Variants in MROH2A observed in about 807,000 individuals in gnomAD.
MROH2A encodes maestro heat like repeat family member 2A.
In MROH2A, 174 loss-of-function variants were observed where a neutral mutation model predicts 200.4. That is an observed-to-expected ratio of 0.87 (90% CI 0.77 to 0.98). The LOEUF (loss-of-function observed/expected upper bound fraction) is 0.98. Among genes scored for constraint, MROH2A ranks in the 50% least tolerant of loss-of-function variants. MROH2A has a pLI of 0.00. For missense variants in MROH2A, 2,045 were observed against 2,139.6 expected, an observed-to-expected ratio of 0.96 and a Z score of 0.87; for synonymous variants, 829 against 840.4, an observed-to-expected ratio of 0.99 and a Z score of 0.23.
At chr2:233,799,639 G>T in intron 12 of MROH2A, 141 bp from the exon 13 acceptor site, 2 of 1,067,062 alleles carry the variant, frequency 1.9e-6, no homozygotes, top group Non-Finnish European at 2.7e-6. Flanking sequence ...GGGGGAGGTG[G>T]ACAGAGTGGG....
At position 233,794,434 on chromosome 2, in the gene MROH2A, G is replaced by A. The variant is rs935743264; in HGVS notation, c.894G>A (p.Glu298=). The A allele has an allele frequency of 1.2e-5, 18 of 1,550,556 alleles. No homozygotes were observed. The highest frequency in any genetic ancestry group is 8.3e-5 in the South Asian group (7 of 84,062). Residue 298 remains glutamate (E), a synonymous_variant, in exon 8 of 42, where the codon GAG becomes GAA. Transcript: ENST00000389758. ...TTCTGCCCAACGATGACCTGCGGGAGCAGGTCTACGACTACATCCCCCTGC... is the reference window on the plus strand; with the variant it reads ...TTCTGCCCAACGATGACCTGCGGGAACAGGTCTACGACTACATCCCCCTGC... The part of the protein sequence containing the change: ...GLLLPNDDLR[E]QVYDYIPLLL...
In MROH2A at chr2:233,807,801, C is replaced by A. The variant is rs1490683011; in HGVS notation, c.2241C>A (p.Asp747Glu). The stretch of plus-strand genomic sequence containing the variant: ...AAACGGTGCTGAATGTGCTTCATGA[C>A]TTCGAGGAGAGGATCCAGGAGTCAG... ...QVKTVLNVLH[D>E]FEERIQESEQ... Residue 747 changes from aspartate (D) to glutamate (E), a missense_variant, in exon 21 of 42, where the codon GAC becomes GAA. By Grantham distance (45) the Asp-to-Glu change is conservative. Transcript: ENST00000389758. The surrounding 1 kb of genome is among the most constrained non-coding windows in gnomAD (Gnocchi z 4.3). The A allele has an allele frequency of 1.9e-6, 3 of 1,550,916 alleles. No homozygotes were observed. Among genetic ancestry groups the A allele is most frequent in the Non-Finnish European group, 2.6e-6 (3 of 1,147,062 alleles).
chr2:233,800,292 T>A lies in MROH2A; in HGVS notation c.1537T>A (p.Ser513Thr), dbSNP rs1177651767. The A allele has an allele frequency of 6.5e-7, 1 of 1,549,280 alleles. No individual in the cohort carries two copies. Among genetic ancestry groups the A allele is most frequent in the Middle Eastern group, 1.7e-4 (1 of 5,870 alleles). ...VTMDTVKIIT[S>T]SVSGMTTEFW... The stretch of plus-strand genomic sequence containing the variant: ...CATGGACACTGTGAAGATCATTACC[T>A]CTTCTGTCAGTGGGATGACCACCGT... The change falls in exon 14 of 42, where the codon TCT (serine) becomes ACT (threonine). Residue 513 changes from serine to threonine, a missense_variant. Ser to Thr is a moderately conservative substitution (Grantham distance 58). Transcript: ENST00000389758.
intron 35 of MROH2A, 102 bp downstream of exon 35, chr2:233,823,766 G>C (rs1303370476): frequency 2.1e-6 from 3 of 1,441,174 alleles, no homozygotes; most frequent in Non-Finnish European, 2.8e-6. Context: ...GAGTCGGGGG[G>C]ACAGGCGAGC....
chr2:233,804,469 G>C, intron 17 of MROH2A, 26 bp from the exon 18 acceptor site: 1 of 1,551,014 alleles, frequency 6.4e-7, no homozygotes, highest in Non-Finnish European at 8.7e-7. Context: ...AAAGTGGCAT[G>C]TGTGACCATA....
At chr2:233,832,339 G>A (rs474242) in intron 40 of MROH2A, 60 bp downstream of exon 40, 636,982 of 1,433,516 alleles carry the variant, frequency 0.44, 142,826 homozygotes, top group South Asian at 0.52. Context: ...AGTCCACCCC[G>A]GCACTCGGGG....
chr2:233,831,870 G>A (rs1022889268), intron 39 of MROH2A, among the ~76,000 whole-genome samples: 1 of 152,130 alleles, frequency 6.6e-6, no homozygotes, highest in Non-Finnish European at 1.5e-5. Flanking sequence ...AATTTTTGGG[G>A]TACCATCTTA....
At chr2:233,783,801 A>G (rs1409131142) in intron 3 of MROH2A, among the ~76,000 whole-genome samples, 1 of 152,136 alleles carries the variant, frequency 6.6e-6, no homozygotes, top group Non-Finnish European at 1.5e-5. Flanking sequence ...CGGCCGCCCA[A>G]AGTGCTGGGG....
chr2:233,808,285 T>A (rs1350774761), intron 21 of MROH2A, among the ~76,000 whole-genome samples: 3 of 152,188 alleles, frequency 2.0e-5, no homozygotes, highest in Admixed American at 1.3e-4. Context: ...TGAGGGGCTC[T>A]AGCCACTGTT....
intron 25 of MROH2A, among the ~76,000 whole-genome samples, chr2:233,814,373 C>CTCCAGGAGTTCAGTATCCTGCTTTG (rs1703374759): frequency 6.6e-6 from 1 of 152,224 alleles, no homozygotes; most frequent in South Asian, 2.1e-4. Flanking sequence ...CAGAACTGGG[C>CTCCAGGAGTTCAGTATCCTGCTTTG]TCCAGGAGTT....
At chr2:233,826,449 C>T (rs1375478145) in intron 35 of MROH2A, among the ~76,000 whole-genome samples, 1 of 152,110 alleles carries the variant, frequency 6.6e-6, no homozygotes, top group Non-Finnish European at 1.5e-5. Context: ...TTGGACAAAC[C>T]TGACAAAAAC....
rs57674070 is a variant in MROH2A at position 233,792,846 on chromosome 2, A to G, written c.622A>G (p.Met208Val). 16,900 of 1,550,468 alleles carry G rather than the reference A, an allele frequency of 0.011. 1,493 individuals carry two copies. The African/African-American group carries it at 0.19, about 18-fold the overall frequency. The change falls in exon 6 of 42, where the codon ATG becomes GTG. Residue 208 changes from methionine (M) to valine (V), a missense_variant. By Grantham distance (21) the Met-to-Val change is conservative (BLOSUM62 1). This residue lies in a region of MROH2A where 831 missense variants were observed against 800.0 expected (regional missense o/e 1.04). Transcript: ENST00000389758. ...CATCACCCTGGCTACCATATTCACC[A>G]TGCTGAGACTTGCCAATGAAGCCAA... ...MGITLATIFT[M>V]LRLANEAKIR...
intron 3 of MROH2A, among the ~76,000 whole-genome samples, chr2:233,780,092 G>A (rs773960821): frequency 9.9e-5 from 15 of 152,236 alleles, no homozygotes; most frequent in Non-Finnish European, 2.1e-4. Flanking sequence ...TACAGCACAT[G>A]AGCTGAGTTG....
In MROH2A at chr2:233,829,615, C is replaced by T; in HGVS notation, c.4447-5C>T. ...CATGTCAGCCTGTGTCCATCCTGGC[C>T]ACAGGAGAGCGAGCTGCTGCGTCTG... On this transcript the variant is annotated splice_polypyrimidine_tract_variant and splice_region_variant and intron_variant, in intron 37 of 41. Coordinates refer to ENST00000389758, the MANE Select transcript of MROH2A (RefSeq NM_001394639.1). 7.1e-7 allele frequency: 1 copy of T among 1,408,486 alleles called. No homozygotes were observed. Among genetic ancestry groups the T allele is most frequent in the South Asian group, 1.7e-5 (1 of 60,442 alleles). 87.2% of individuals were successfully genotyped at this position (1,408,486 alleles called of 1,614,324 possible).
At chr2:233,830,845 C>T (rs1362076965) in intron 38 of MROH2A, among the ~76,000 whole-genome samples, 1 of 152,232 alleles carries the variant, frequency 6.6e-6, no homozygotes, top group Non-Finnish European at 1.5e-5. Context: ...CCTCACCACC[C>T]TCTGTCTTCA....
intron 16 of MROH2A, among the ~76,000 whole-genome samples, 195 bp downstream of exon 16, chr2:233,803,683 T>C (rs2126131741): frequency 6.6e-6 from 1 of 152,332 alleles, no homozygotes; most frequent in Non-Finnish European, 1.5e-5. Flanking sequence ...AGTGCACTTG[T>C]AATAACTGGG....
At chr2:233,813,616 C>A in intron 24 of MROH2A, 54 bp from the exon 25 acceptor site, 1 of 1,125,978 alleles carries the variant, frequency 8.9e-7, no homozygotes, top group Non-Finnish European at 1.3e-6. Context: ...AGTGGGGCAG[C>A]AGAAGCTCAA....
At position 233,810,915 on chromosome 2, in the gene MROH2A, TG is replaced by T; in HGVS notation, c.2571+1del. 1 of 1,549,812 alleles carries T rather than the reference TG, an allele frequency of 6.5e-7. No individual in the cohort carries two copies. Among genetic ancestry groups the T allele is most frequent in the Non-Finnish European group, 8.7e-7 (1 of 1,146,486 alleles). ...AAGACGACTCTTACCAGCATTATAG[TG>T]GTAAGCTGGGTGGGGCACCTCCTTG... The part of the protein sequence containing the change: ...AQKTTLTSII[V>X]AVIKAEPTDN... On this transcript the variant is annotated frameshift_variant and splice_region_variant, in exon 23 of 42. Transcript: ENST00000389758. LOFTEE classifies it high-confidence loss of function.
At chr2:233,812,847 G>A (rs1028898645) in intron 24 of MROH2A, among the ~76,000 whole-genome samples, 8 of 152,220 alleles carry the variant, frequency 5.3e-5, no homozygotes, top group African/African-American at 1.7e-4. Context: ...GTTGGCATTT[G>A]GCTTTTGACC....
Sources: gnomAD v4.1 joint callset for allele counts (sites outside exome capture counted in the v4.1 genomes callset) on GRCh38, gnomAD v4.1.1 for gene constraint, gnomAD v4.1.1 regional missense constraint, Gnocchi (gnomAD v3.1) non-coding constraint, MANE v1.5 for transcripts, NCBI Gene and HGNC (gene_info 2026-07-23, HGNC 2026-07-21) for gene names.